RALGAPA1: variants seen among roughly 807,000 people sequenced by gnomAD.
RALGAPA1 encodes Ral GTPase activating protein catalytic subunit alpha 1.
Under a neutral mutation model 269.6 loss-of-function variants are expected in RALGAPA1, and 52 were observed. That is an observed-to-expected ratio of 0.19 (90% CI 0.15 to 0.24). The LOEUF is 0.24. Ranked by LOEUF, RALGAPA1 falls within the 10% of genes least tolerant of loss-of-function variation. The probability of loss-of-function intolerance (pLI) is 1.00; values close to 1 mark genes in which losing one functional copy is unlikely to be tolerated. For synonymous variants in RALGAPA1, 817 were observed against 1,008.3 expected (o/e 0.81, Z 3.60); for missense variants, 1,917 against 3,013.9 (o/e 0.64, Z 8.52).
At chr14:35,631,851 G>A (rs1370044301) in intron 33 of RALGAPA1, among the ~76,000 whole-genome samples, 2 of 152,138 alleles carry the variant, frequency 1.3e-5, no homozygotes, top group Admixed American at 1.3e-4. Flanking sequence ...GGTCTTATGA[G>A]TTTCTTTTTC....
At chr14:35,772,110 C>G (rs2074678227) in intron 3 of RALGAPA1, among the ~76,000 whole-genome samples, 2 of 152,078 alleles carry the variant, frequency 1.3e-5, no homozygotes, top group African/African-American at 4.8e-5. Flanking sequence ...GGCTGGAGTG[C>G]AGTGGTGTAA....
intron 12 of RALGAPA1, 105 bp downstream of exon 12, chr14:35,738,408 G>C (rs971278082): frequency 3.0e-6 from 2 of 672,140 alleles, no homozygotes; most frequent in African/African-American, 3.7e-5. Flanking sequence ...GATAAATATA[G>C]GTGGTGAATT....
At chr14:35,756,564 T>G (rs2141310977) in intron 7 of RALGAPA1, 13 of 249,900 alleles carry the variant, frequency 5.2e-5, no homozygotes, top group East Asian at 2.3e-4. Flanking sequence ...TGAGTTTACA[T>G]GAGAAGTGTA....
intron 1 of RALGAPA1, among the ~76,000 whole-genome samples, 166 bp from the exon 2 acceptor site, chr14:35,775,911 C>T (rs1244990117): frequency 1.3e-5 from 2 of 152,114 alleles, no homozygotes; most frequent in Non-Finnish European, 2.9e-5. Flanking sequence ...GTTCTTAAAA[C>T]TTTAGTCTTT....
intron 37 of RALGAPA1, 51 bp from the exon 38 acceptor site, chr14:35,572,769 A>C: frequency 2.3e-6 from 3 of 1,313,238 alleles, no homozygotes; most frequent in Non-Finnish European, 3.1e-6. Flanking sequence ...CTTTGAGTAC[A>C]GTCATACAGT....
intron 39 of RALGAPA1, among the ~76,000 whole-genome samples, chr14:35,566,032 T>C (rs2056669611): frequency 6.6e-6 from 1 of 152,172 alleles, no homozygotes; most frequent in East Asian, 1.9e-4. Flanking sequence ...TCTGGTCCAA[T>C]GGTTACACAG....
intron 39 of RALGAPA1, among the ~76,000 whole-genome samples, chr14:35,569,860 A>G (rs1594627523): frequency 6.6e-6 from 1 of 152,092 alleles, no homozygotes; most frequent in South Asian, 2.1e-4. Flanking sequence ...ATGTTTCCCC[A>G]ACTAGATTGA....
chr14:35,762,587 T>C (rs1360904755), intron 5 of RALGAPA1, 123 bp downstream of exon 5: 1 of 738,878 alleles, frequency 1.4e-6, no homozygotes, highest in African/African-American at 1.8e-5. Flanking sequence ...CTCACTTCAA[T>C]TAAATAAACT....
chr14:35,742,579 G>A lies in RALGAPA1; in HGVS notation c.1252-14C>T. The A allele has an allele frequency of 6.4e-7, 1 of 1,571,088 alleles. No individual in the cohort carries two copies. ...TAATAAAAATGCCTAGGGAAAAAAA[G>A]GAGAATCAAGATAATGATACTTTTT... On this transcript the variant is annotated splice_polypyrimidine_tract_variant and intron_variant, in intron 10 of 41. Coordinates refer to ENST00000680220, the MANE Select transcript of RALGAPA1 (RefSeq NM_001346249.2).
intron 7 of RALGAPA1, among the ~76,000 whole-genome samples, chr14:35,753,139 T>G (rs542316150): frequency 9.9e-5 from 15 of 152,236 alleles, no homozygotes; most frequent in African/African-American, 3.4e-4. Flanking sequence ...TGGAACATCT[T>G]GTGGTGCCAG....
chr14:35,796,978 A>G (rs1429046821), intron 1 of RALGAPA1, among the ~76,000 whole-genome samples: 3 of 152,106 alleles, frequency 2.0e-5, no homozygotes, highest in East Asian at 3.9e-4. Flanking sequence ...TAGTAGAGAC[A>G]GGGTTTCACC....
chr14:35,777,883 A>G (rs2075153207), intron 1 of RALGAPA1, among the ~76,000 whole-genome samples: 1 of 152,212 alleles, frequency 6.6e-6, no homozygotes, highest in East Asian at 1.9e-4. Context: ...CTGAAAAAAT[A>G]AAAGATTTTT....
chr14:35,791,499 C>T (rs1366053358), intron 1 of RALGAPA1, among the ~76,000 whole-genome samples: 6 of 151,774 alleles, frequency 4.0e-5, no homozygotes, highest in Non-Finnish European at 5.9e-5. Flanking sequence ...CCCAGCAACT[C>T]GGGAGGCTGA....
At chr14:35,547,969 T>A (rs1029987811) in intron 41 of RALGAPA1, among the ~76,000 whole-genome samples, 1 of 150,494 alleles carries the variant, frequency 6.6e-6, no homozygotes, top group Non-Finnish European at 1.5e-5. Context: ...TTGAATTTAT[T>A]TAATATAAAG....
chr14:35,617,487 G>A (rs900000448), intron 35 of RALGAPA1, among the ~76,000 whole-genome samples: 6 of 151,848 alleles, frequency 4.0e-5, no homozygotes, highest in Admixed American at 6.6e-5. Flanking sequence ...GCGTGGTGGC[G>A]CATGCCTGTA....
rs539211073 is a variant in RALGAPA1 at position 35,757,466 on chromosome 14, T to C, written c.548-558A>G. Among the ~76,000 whole-genome samples the C allele has an allele frequency of 2.8e-4, 43 of 152,222 alleles. 1 individual carries two copies. In the South Asian group the frequency reaches 8.9e-3, roughly 32 times the overall value. The stretch of plus-strand genomic sequence containing the variant: ...TTCTGTGAACCCTTGATTGAGAGAA[T>C]GTGACAAAGGGATGGACAGACAAAT... On this transcript the variant is annotated intron_variant, in intron 6 of 41. Transcript: ENST00000680220.
At chr14:35,589,536 A>G (rs975031144) in intron 37 of RALGAPA1, among the ~76,000 whole-genome samples, 2 of 152,182 alleles carry the variant, frequency 1.3e-5, no homozygotes, top group South Asian at 2.1e-4. Flanking sequence ...CAATTTATCA[A>G]TTAAAAAAGT....
chr14:35,684,131 T>G (rs2065712367), intron 20 of RALGAPA1, 146 bp from the exon 21 acceptor site: 1 of 617,318 alleles, frequency 1.6e-6, no homozygotes, highest in Non-Finnish European at 2.8e-6. Flanking sequence ...TAAATAATCT[T>G]AATACTCTGA....
At chr14:35,808,678 G>C in intron 1 of RALGAPA1, 52 bp downstream of exon 1, 1 of 1,562,600 alleles carries the variant, frequency 6.4e-7, no homozygotes, top group Non-Finnish European at 8.7e-7. Context: ...GCTCCCAGGA[G>C]AGGGAAGGCC....
Sources: allele counts gnomAD v4.1 joint callset (sites outside exome capture counted in the v4.1 genomes callset), GRCh38; gene constraint gnomAD v4.1.1; transcripts MANE v1.5; gene names NCBI Gene and HGNC (gene_info 2026-07-23, HGNC 2026-07-21).